The following MCOLN2 variants were observed in gnomAD, a reference collection of about 807,000 sequenced individuals.
The protein encoded by MCOLN2 is mucolipin TRP cation channel 2, also known as mucolipin-2.
Under a neutral mutation model 67.5 loss-of-function variants are expected in MCOLN2, and 57 were observed. The observed-to-expected ratio is 0.84, with a 90% CI of 0.68 to 1.05. The LOEUF is 1.05. Ranked by LOEUF, MCOLN2 falls within the 50% of genes least tolerant of loss-of-function variation. The probability of loss-of-function intolerance (pLI) is 0.00; values close to 1 mark genes in which losing one functional copy is unlikely to be tolerated. For missense variants in MCOLN2, 620 were observed against 678.8 expected, an observed-to-expected ratio of 0.91 and a Z score of 0.96; for synonymous variants, 246 against 233.3, an observed-to-expected ratio of 1.05 and a Z score of -0.50.
intron 8 of MCOLN2, among the ~76,000 whole-genome samples, 197 bp from the exon 9 acceptor site, chr1:84,939,899 T>G (rs1424862350): frequency 6.6e-6 from 1 of 152,080 alleles, no homozygotes; most frequent in East Asian, 1.9e-4. Flanking sequence ...GTCTGTGAAG[T>G]TACCTCAAAT....
intron 1 of MCOLN2, among the ~76,000 whole-genome samples, chr1:84,985,896 C>T (rs1290465021): frequency 6.6e-6 from 1 of 152,082 alleles, no homozygotes; most frequent in African/African-American, 2.4e-5. Context: ...CAATGCAATT[C>T]CCATCAAAAT....
rs745470222 is a variant in MCOLN2, at chr1:84,939,548, C to G, written c.1110+5G>C. 2 of 1,613,720 alleles carry G rather than the reference C, an allele frequency of 1.2e-6. No individual in the cohort carries two copies. Among genetic ancestry groups the G allele is most frequent in the Non-Finnish European group, 1.7e-6 (2 of 1,179,876 alleles). On this transcript the variant is annotated splice_donor_5th_base_variant and intron_variant, in intron 9 of 13. Coordinates refer to ENST00000370608, the MANE Select transcript of MCOLN2 (RefSeq NM_153259.4). The stretch of plus-strand genomic sequence containing the variant: ...GAACAGAGACTTTAAATGGGCTTCC[C>G]TCACCTTTGCTTTGATTTCCATTTT...
intron 1 of MCOLN2, among the ~76,000 whole-genome samples, chr1:84,983,564 C>T (rs1339248649): frequency 6.6e-6 from 1 of 151,610 alleles, no homozygotes; most frequent in Non-Finnish European, 1.5e-5. Flanking sequence ...GACACTGCGC[C>T]TGGTCTGTAC....
chr1:84,986,236 C>A (rs1650499265), intron 1 of MCOLN2, among the ~76,000 whole-genome samples: 1 of 152,106 alleles, frequency 6.6e-6, no homozygotes, highest in Non-Finnish European at 1.5e-5. Context: ...AATTGGCAGG[C>A]CACATGTAGA....
At chr1:84,972,099 GA>G (rs1437224074) in intron 1 of MCOLN2, 1 of 152,112 alleles carries the variant, frequency 6.6e-6, no homozygotes, top group Non-Finnish European at 1.5e-5. Flanking sequence ...GCAGACGGCA[GA>G]AATACTGCAA....
At chr1:84,927,172 C>T (rs933469320) in intron 13 of MCOLN2, among the ~76,000 whole-genome samples, 4 of 148,124 alleles carry the variant, frequency 2.7e-5, no homozygotes, top group Admixed American at 6.8e-5. Context: ...CCTGCACGTT[C>T]AGCACATGTA....
intron 6 of MCOLN2, among the ~76,000 whole-genome samples, chr1:84,951,180 C>T (rs1171268127): frequency 1.3e-5 from 2 of 152,180 alleles, no homozygotes; most frequent in East Asian, 3.8e-4. Context: ...TTCTGTTTCC[C>T]CTACTAGGCT....
chr1:84,934,349 C>T (rs1647312812), intron 11 of MCOLN2, among the ~76,000 whole-genome samples: 1 of 152,080 alleles, frequency 6.6e-6, no homozygotes, highest in South Asian at 2.1e-4. Flanking sequence ...TCTCTGGGCC[C>T]ACGATGAGAA....
At chr1:84,986,278 C>T (rs887839219) in intron 1 of MCOLN2, among the ~76,000 whole-genome samples, 17 of 152,296 alleles carry the variant, frequency 1.1e-4, no homozygotes, top group South Asian at 8.3e-4. Context: ...TGGTAGTTCA[C>T]GCCTATAATC....
Position 84,947,005 on chromosome 1 carries a change from C to T in MCOLN2, c.847+28G>A, listed in dbSNP as rs776488593. On this transcript the variant is annotated intron_variant, in intron 7 of 13. Transcript: ENST00000370608. ...AAAGTGTTAAAAATCATCTATAATT[C>T]CCATGGGCAAGTATATAGCATACTT... The T allele has an allele frequency of 4.8e-6, 5 of 1,031,824 alleles. No homozygotes were observed. In the South Asian group the frequency reaches 6.6e-5, roughly 14 times the overall value. The allele number at this position is 1,031,824 out of a possible 1,614,324, so 63.9% of individuals were successfully genotyped here.
At chr1:84,929,868 A>G (rs1661322801) in intron 12 of MCOLN2, 189 bp from the exon 13 acceptor site, 3 of 442,164 alleles carry the variant, frequency 6.8e-6, no homozygotes, top group Non-Finnish European at 1.2e-5. Context: ...CACTGTGGGA[A>G]CAGAGAACAA....
At chr1:84,986,613 A>G (rs1248089474) in intron 1 of MCOLN2, among the ~76,000 whole-genome samples, 1 of 151,846 alleles carries the variant, frequency 6.6e-6, no homozygotes, top group African/African-American at 2.4e-5. Flanking sequence ...CCAATGAGTG[A>G]GAGAAAATCT....
At chr1:84,942,756 ATGGATTAATCC>A (rs1647864315) in intron 7 of MCOLN2, among the ~76,000 whole-genome samples, 1 of 152,144 alleles carries the variant, frequency 6.6e-6, no homozygotes, top group Non-Finnish European at 1.5e-5. Flanking sequence ...GCCCTCATAA[ATGGATTAATCC>A]ACTCATAGAT....
chr1:84,980,773 C>A (rs1650215960), intron 1 of MCOLN2, among the ~76,000 whole-genome samples: 1 of 151,994 alleles, frequency 6.6e-6, no homozygotes. Flanking sequence ...AGCAATACCC[C>A]ACAAGCACAG....
chr1:84,926,734 G>C lies in MCOLN2; in HGVS notation c.1665-13C>G, dbSNP rs1345611225. ...ATCACTTCTTTTCCTGTAACAGAAA[G>C]GGAAAGAAGAAAAGAGGAAAGATAC... On this transcript the variant is annotated splice_polypyrimidine_tract_variant and intron_variant, in intron 13 of 13. Transcript: ENST00000370608. 12 of 1,586,354 alleles carry C rather than the reference G, an allele frequency of 7.6e-6. No homozygotes were observed. The highest frequency in any genetic ancestry group is 1.0e-5 in the Non-Finnish European group (12 of 1,162,050).
In MCOLN2 at chr1:84,927,797, T is replaced by G. The variant is rs1021682786; in HGVS notation, c.1665-1076A>C. ...CTTCTGTCCCTAGCTTTTATTTTAT[T>G]TTTTAAGAGGCGGGGTCTCACTACA... On this transcript the variant is annotated intron_variant, in intron 13 of 13. Transcript: ENST00000370608. Among the ~76,000 whole-genome samples, 42 of 152,196 alleles carry G rather than the reference T, an allele frequency of 2.8e-4. 1 individual carries two copies. Among genetic ancestry groups the G allele is most frequent in the Admixed American group, 1.2e-3 (18 of 15,288 alleles).
At chr1:84,991,537 C>A (rs1481201389) in intron 1 of MCOLN2, among the ~76,000 whole-genome samples, 1 of 152,118 alleles carries the variant, frequency 6.6e-6, no homozygotes, top group Non-Finnish European at 1.5e-5. Context: ...AACTTTGGTT[C>A]CCTTCTCAGC....
At chr1:84,977,238 A>G (rs546146178) in intron 1 of MCOLN2, among the ~76,000 whole-genome samples, 6 of 152,306 alleles carry the variant, frequency 3.9e-5, no homozygotes, top group Non-Finnish European at 7.4e-5. Flanking sequence ...AAACCAAAAA[A>G]TATACAACAG....
intron 1 of MCOLN2, among the ~76,000 whole-genome samples, chr1:84,992,609 T>G (rs1288170097): frequency 6.6e-6 from 1 of 152,246 alleles, no homozygotes; most frequent in Non-Finnish European, 1.5e-5. Flanking sequence ...ACCTCAGAGA[T>G]ATTGCAAGTT....
Sources: allele counts gnomAD v4.1 joint callset (sites outside exome capture counted in the v4.1 genomes callset), GRCh38; gene constraint gnomAD v4.1.1; transcripts MANE v1.5; gene names NCBI Gene and HGNC (gene_info 2026-07-23, HGNC 2026-07-21).